The following SMARCC1 variants were observed in gnomAD, a reference collection of about 807,000 sequenced individuals.
SMARCC1 encodes the protein SWI/SNF related BAF chromatin remodeling complex subunit C1, also known as SWI/SNF complex subunit SMARCC1.
SMARCC1 carries 43 observed loss-of-function variants against 147.4 expected under a neutral mutation model. That is an observed-to-expected ratio of 0.29 (90% confidence interval 0.23 to 0.38). The LOEUF (loss-of-function observed/expected upper bound fraction) is 0.38. SMARCC1 is among the 10% of genes least tolerant of loss of function. The pLI is 1.00. For synonymous variants in SMARCC1, 495 were observed against 484.4 expected (o/e 1.02, Z -0.29); for missense variants, 1,119 against 1,381.1 (o/e 0.81, Z 3.01).
intron 2 of SMARCC1, among the ~76,000 whole-genome samples, chr3:47,762,064 G>A (rs2034780293): frequency 6.6e-6 from 1 of 152,176 alleles, no homozygotes. Context: ...TTACAGGCGT[G>A]AGCTACCATG....
At chr3:47,605,220 T>C (rs925820539) in intron 26 of SMARCC1, among the ~76,000 whole-genome samples, 1 of 152,210 alleles carries the variant, frequency 6.6e-6, no homozygotes, top group Non-Finnish European at 1.5e-5. Flanking sequence ...ACTCTTAGGT[T>C]CATAAATACT....
intron 26 of SMARCC1, among the ~76,000 whole-genome samples, chr3:47,597,820 A>C (rs2032315656): frequency 6.6e-6 from 1 of 152,192 alleles, no homozygotes; most frequent in Non-Finnish European, 1.5e-5. Context: ...AGGAAGGGCG[A>C]GCATGGAGCT....
intron 2 of SMARCC1, among the ~76,000 whole-genome samples, chr3:47,749,670 A>AACACACACACACACACACACACAC (rs1328820771): frequency 0.36 from 33,117 of 91,950 alleles, 8,041 homozygotes; most frequent in East Asian, 0.52. Flanking sequence ...CTCTAAATTA[A>AACACACACACACACACACACACAC]ACACACACAC....
chr3:47,663,288 A>G (rs2033376364), intron 19 of SMARCC1, among the ~76,000 whole-genome samples: 1 of 151,708 alleles, frequency 6.6e-6, no homozygotes, highest in South Asian at 2.1e-4. Context: ...TAATACATAC[A>G]GACATGACTG....
chr3:47,642,458 C>T (rs1234324864), intron 21 of SMARCC1, among the ~76,000 whole-genome samples: 3 of 152,006 alleles, frequency 2.0e-5, no homozygotes, highest in African/African-American at 7.2e-5. Flanking sequence ...GATGTGGTGG[C>T]GCATGCTAGT....
chr3:47,758,999 A>G (rs1175745712), intron 2 of SMARCC1, among the ~76,000 whole-genome samples: 1 of 138,858 alleles, frequency 7.2e-6, no homozygotes, highest in Non-Finnish European at 1.6e-5. Context: ...CCGGGGCAAC[A>G]AGAGCGAAAC....
chr3:47,753,385 G>T (rs968824189), intron 2 of SMARCC1, among the ~76,000 whole-genome samples: 18 of 150,722 alleles, frequency 1.2e-4, no homozygotes, highest in Non-Finnish European at 1.3e-4. Flanking sequence ...TTGTGCCATG[G>T]ATTCCTTATT....
intron 1 of SMARCC1, 110 bp downstream of exon 1, chr3:47,781,493 T>G (rs1201686134): frequency 4.2e-6 from 3 of 707,960 alleles, no homozygotes; most frequent in Non-Finnish European, 6.0e-6. Context: ...CTGCCTTTGT[T>G]GTCCCTCGTG....
intron 18 of SMARCC1, among the ~76,000 whole-genome samples, 176 bp from the exon 19 acceptor site, chr3:47,670,893 T>C (rs754372472): frequency 2.0e-5 from 3 of 151,988 alleles, no homozygotes; most frequent in Non-Finnish European, 4.4e-5. Flanking sequence ...TGCTGGCTTA[T>C]TTCAAAGACT....
intron 2 of SMARCC1, among the ~76,000 whole-genome samples, chr3:47,759,562 A>G (rs2034747833): frequency 1.1e-5 from 1 of 88,874 alleles, no homozygotes; most frequent in Non-Finnish European, 2.8e-5. Flanking sequence ...CGGAGATTGC[A>G]GTGAGCCAAG....
chr3:47,703,924 G>A (rs994347981), intron 10 of SMARCC1, among the ~76,000 whole-genome samples: 1 of 152,126 alleles, frequency 6.6e-6, no homozygotes, highest in Non-Finnish European at 1.5e-5. Flanking sequence ...AGCCTCTTGA[G>A]TAGCTGGGAC....
At chr3:47,636,823 T>A (rs2032976913) in intron 22 of SMARCC1, among the ~76,000 whole-genome samples, 1 of 150,450 alleles carries the variant, frequency 6.6e-6, no homozygotes, top group African/African-American at 2.5e-5. Context: ...TGTGTGTGTG[T>A]GTGTGTGTGT....
intron 8 of SMARCC1, 136 bp from the exon 9 acceptor site, chr3:47,710,944 T>C (rs1576418822): frequency 8.9e-6 from 5 of 561,054 alleles, no homozygotes; most frequent in Non-Finnish European, 1.5e-5. Flanking sequence ...ATACTACTAA[T>C]GATATGTGAG....
chr3:47,595,050 G>GT (rs2106643471), intron 26 of SMARCC1, among the ~76,000 whole-genome samples: 1 of 152,160 alleles, frequency 6.6e-6, no homozygotes, highest in Non-Finnish European at 1.5e-5. Flanking sequence ...TTCACTCCAG[G>GT]TAATTTCCTG....
chr3:47,597,461 G>C (rs536134840), intron 26 of SMARCC1, among the ~76,000 whole-genome samples: 1 of 152,216 alleles, frequency 6.6e-6, no homozygotes, highest in Non-Finnish European at 1.5e-5. Flanking sequence ...CGAGTAGCTA[G>C]GACTACAGGC....
intron 5 of SMARCC1, among the ~76,000 whole-genome samples, chr3:47,732,065 A>G (rs1490550987): frequency 6.6e-6 from 1 of 152,250 alleles, no homozygotes; most frequent in African/African-American, 2.4e-5. Flanking sequence ...TGGTGTAACC[A>G]GCTTCACCAA....
rs60788109 is a variant in SMARCC1 at position 47,757,783 on chromosome 3, C to CAA, written c.316-11792_316-11791dup. ...TGGGCGACAAAGCGAGGCTCCGTAT[C>CAA]AAAAAAAAAAAAAAAAGAAAGAAAG... On this transcript the variant is annotated intron_variant, in intron 2 of 27. Coordinates refer to ENST00000254480, the MANE Select transcript of SMARCC1 (RefSeq NM_003074.4). Among the ~76,000 whole-genome samples, 478 of 106,400 alleles carry CAA rather than the reference C, an allele frequency of 4.5e-3. 1 individual carries two copies. The highest frequency in any genetic ancestry group is 0.012 in the South Asian group (38 of 3,246). 69.8% of individuals were successfully genotyped at this position (106,400 alleles called of 152,430 possible). A position where few individuals can be genotyped will look rare whatever the true frequency, so the allele number is the denominator to read the frequency against.
At chr3:47,659,188 C>T (rs907489421) in intron 21 of SMARCC1, among the ~76,000 whole-genome samples, 10 of 147,566 alleles carry the variant, frequency 6.8e-5, no homozygotes, top group Middle Eastern at 3.4e-3. Flanking sequence ...GTCCAGGACA[C>T]GATGGCTTTA....
intron 24 of SMARCC1, 118 bp downstream of exon 24, chr3:47,635,072 A>G (rs2032950237): frequency 1.2e-6 from 1 of 825,820 alleles, no homozygotes; most frequent in South Asian, 1.7e-5. Flanking sequence ...AATGCCATTC[A>G]AGCAGTCATC....
Sources: gnomAD v4.1 joint callset for allele counts (sites outside exome capture counted in the v4.1 genomes callset) on GRCh38, gnomAD v4.1.1 for gene constraint, MANE v1.5 for transcripts, NCBI Gene and HGNC (gene_info 2026-07-23, HGNC 2026-07-21) for gene names.